RFT1: variants seen among roughly 807,000 people sequenced by gnomAD.
RFT1 encodes RFT1 glycolipid translocator homolog.
RFT1 carries 43 observed loss-of-function variants against 62.2 expected under a neutral mutation model. The ratio of observed to expected loss-of-function variants is 0.69; its 90% CI spans 0.54 to 0.89. RFT1 has a LOEUF of 0.89. Ranked by LOEUF, RFT1 falls within the 40% of genes least tolerant of loss-of-function variation. The pLI, the probability that RFT1 is intolerant of heterozygous loss-of-function variation, is 0.00. For missense variants in RFT1, 605 were observed against 649.9 expected (o/e 0.93, Z 0.75); for synonymous variants, 262 against 264.6 (o/e 0.99, Z 0.10).
the RFT1 span, among the ~76,000 whole-genome samples, chr3:53,068,352 G>T: frequency 6.6e-6 from 1 of 152,174 alleles, no homozygotes. Flanking sequence ...ACACTCACTG[G>T]GCACAGAGAC....
intron 7 of RFT1, among the ~76,000 whole-genome samples, chr3:53,110,565 G>C (rs1376781935): frequency 1.3e-5 from 2 of 152,160 alleles, no homozygotes; most frequent in Admixed American, 1.3e-4. Context: ...CTCAGACACT[G>C]CCTGGTCCTA....
chr3:53,087,563 C>T (rs1471039634), downstream of RFT1, among the ~76,000 whole-genome samples: 2 of 151,848 alleles, frequency 1.3e-5, no homozygotes, highest in Non-Finnish European at 2.9e-5. Context: ...CAGGGTCTTG[C>T]TCTGTCATCC....
At chr3:53,098,384 C>A (rs1025211422) in intron 11 of RFT1, among the ~76,000 whole-genome samples, 2 of 152,018 alleles carry the variant, frequency 1.3e-5, no homozygotes, top group African/African-American at 4.8e-5. Flanking sequence ...CATGAGCCAG[C>A]GCAGGAAAGG....
intron 7 of RFT1, 132 bp from the exon 8 acceptor site, chr3:53,107,001 G>T: frequency 1.4e-6 from 1 of 700,616 alleles, no homozygotes; most frequent in Non-Finnish European, 2.6e-6. Context: ...TTAAAGACAT[G>T]TCCTTGTCCT....
chr3:53,122,364 G>T lies in RFT1; in HGVS notation c.456+10C>A. On this transcript the variant is annotated intron_variant, in intron 4 of 12. Coordinates refer to ENST00000296292, the MANE Select transcript of RFT1 (RefSeq NM_052859.4). ...TCCCATTTCCCATTCACAGCAGAAG[G>T]TGCACTGACCTTGAGCTTCACAAAC... The T allele has an allele frequency of 6.2e-7, 1 of 1,612,878 alleles. No homozygotes were observed. Among genetic ancestry groups the T allele is most frequent in the Non-Finnish European group, 8.5e-7 (1 of 1,179,114 alleles).
At chr3:53,098,801 CAAAAAAAAAAAA>C (rs35371104) in intron 11 of RFT1, among the ~76,000 whole-genome samples, 1 of 57,634 alleles carries the variant, frequency 1.7e-5, no homozygotes, top group South Asian at 1.3e-3. Flanking sequence ...GACTCCATCT[CAAAAAAAAAAAA>C]AAAAAAAAAA....
chr3:53,106,164 T>C (rs1428583534), intron 8 of RFT1, among the ~76,000 whole-genome samples: 1 of 151,970 alleles, frequency 6.6e-6, no homozygotes, highest in Non-Finnish European at 1.5e-5. Context: ...GCCCAGGAGG[T>C]TGAGGCTGCA....
Position 53,099,497 on chromosome 3 carries a change from A to T in RFT1, c.1103-11T>A, listed in dbSNP as rs1701250454. 1.2e-6 allele frequency: 2 copies of T among 1,610,782 alleles called. No individual in the cohort carries two copies. The highest frequency in any genetic ancestry group is 1.7e-6 in the Non-Finnish European group (2 of 1,177,248). ...GCAGCAAAACAGGACCTACAAGGAA[A>T]CAACTCACTGAGACTCCAGAGCCCA... On this transcript the variant is annotated splice_polypyrimidine_tract_variant and intron_variant, in intron 10 of 12. Transcript: ENST00000296292.
chr3:53,084,723 C>T (rs2336725), downstream of RFT1, among the ~76,000 whole-genome samples: 73,766 of 152,082 alleles, frequency 0.49, 19,777 homozygotes, highest in East Asian at 0.73. Context: ...CACTGTGAAC[C>T]CAGGTGGCCT....
intron 11 of RFT1, among the ~76,000 whole-genome samples, chr3:53,098,595 G>A (rs571132103): frequency 2.6e-5 from 4 of 152,122 alleles, no homozygotes; most frequent in Admixed American, 6.5e-5. Context: ...AAGGTCAGGA[G>A]ATCGAGACCA....
the RFT1 span, among the ~76,000 whole-genome samples, chr3:53,079,669 A>G: frequency 6.6e-6 from 1 of 152,180 alleles, no homozygotes; most frequent in African/African-American, 2.4e-5. Flanking sequence ...CAGTGAGCCT[A>G]GATCGCACTA....
chr3:53,098,952 C>T (rs1701232640), intron 11 of RFT1, among the ~76,000 whole-genome samples: 1 of 152,034 alleles, frequency 6.6e-6, no homozygotes, highest in Non-Finnish European at 1.5e-5. Context: ...CACAGAATCC[C>T]TGAGATTCTC....
At chr3:53,111,945 G>A (rs1701665350) in intron 6 of RFT1, 37 bp from the exon 7 acceptor site, 1 of 1,519,868 alleles carries the variant, frequency 6.6e-7, no homozygotes, top group Non-Finnish European at 9.1e-7. Flanking sequence ...AAACATCACA[G>A]GCGTTGCAAG....
chr3:53,102,157 C>T (rs549595690), intron 10 of RFT1, among the ~76,000 whole-genome samples: 2 of 152,244 alleles, frequency 1.3e-5, no homozygotes, highest in Non-Finnish European at 2.9e-5. Flanking sequence ...GCCATGTGAC[C>T]GCAGTACTGC....
intron 7 of RFT1, among the ~76,000 whole-genome samples, chr3:53,111,304 G>A (rs1037819630): frequency 5.9e-5 from 9 of 152,032 alleles, no homozygotes; most frequent in Admixed American, 3.3e-4. Flanking sequence ...TACTCAGGAG[G>A]CTGAGGCAGG....
intron 11 of RFT1, among the ~76,000 whole-genome samples, chr3:53,096,288 A>G (rs767029648): frequency 1.3e-5 from 2 of 152,216 alleles, no homozygotes; most frequent in Non-Finnish European, 2.9e-5. Context: ...GCGAAATGAA[A>G]GAAAATTAGA....
At chr3:53,074,475 C>T in the RFT1 span, among the ~76,000 whole-genome samples, 2 of 151,992 alleles carry the variant, frequency 1.3e-5, no homozygotes, top group Non-Finnish European at 2.9e-5. Flanking sequence ...CCCCAGAGCA[C>T]TGGATGGTCA....
chr3:53,077,984 G>A, the RFT1 span: 1 of 152,270 alleles, frequency 6.6e-6, no homozygotes, highest in Non-Finnish European at 1.5e-5. Flanking sequence ...CTGACCTACA[G>A]GTCCTGAGTC....
rs542367301 is a variant in RFT1, at chr3:53,129,814, G to A, written c.63+524C>T. Among the ~76,000 whole-genome samples the A allele has an allele frequency of 3.3e-5, 5 of 152,228 alleles. No homozygotes were observed. The East Asian group carries it at 9.7e-4, about 29-fold the overall frequency. On this transcript the variant is annotated intron_variant, in intron 1 of 12. Coordinates refer to ENST00000296292, the MANE Select transcript of RFT1 (RefSeq NM_052859.4). ...CAATCCCTGCTTATGAGCTAAGTAC[G>A]ACATATTATTACCCCCATTTTACTA...
Sources: gnomAD v4.1 joint callset for allele counts (sites outside exome capture counted in the v4.1 genomes callset) on GRCh38, gnomAD v4.1.1 for gene constraint, MANE v1.5 for transcripts, NCBI Gene and HGNC (gene_info 2026-07-23, HGNC 2026-07-21) for gene names.